The following ZP1 variants were observed in gnomAD, a reference collection of about 807,000 sequenced individuals.
ZP1 encodes the protein zona pellucida glycoprotein 1, also known as zona pellucida sperm-binding protein 1.
A neutral mutation model predicts 67.4 loss-of-function variants in ZP1; 58 were observed. That is an observed-to-expected ratio of 0.86 (90% CI 0.70 to 1.07). ZP1 has a LOEUF of 1.07. Among genes scored for constraint, ZP1 ranks in the 50% least tolerant of loss-of-function variants. The pLI, the probability that ZP1 is intolerant of heterozygous loss-of-function variation, is 0.00. For missense variants in ZP1, 759 were observed against 807.3 expected (o/e 0.94, Z 0.72); for synonymous variants, 333 against 332.7 (o/e 1.00, Z -0.01).
intron 3 of ZP1, 121 bp from the exon 4 acceptor site, chr11:60,870,211 G>A: frequency 1.9e-6 from 2 of 1,037,274 alleles, no homozygotes; most frequent in Non-Finnish European, 2.7e-6. Flanking sequence ...CAGTTTTGAG[G>A]GAGGACATTT....
intron 7 of ZP1, 28 bp from the exon 8 acceptor site, chr11:60,873,347 C>G: frequency 6.3e-7 from 1 of 1,593,392 alleles, no homozygotes; most frequent in East Asian, 2.3e-5. Context: ...CACAGCCCGC[C>G]CTGGCTCATG....
intron 6 of ZP1, 75 bp downstream of exon 6, chr11:60,871,389 T>G: frequency 6.7e-7 from 1 of 1,500,696 alleles, no homozygotes; most frequent in Non-Finnish European, 9.1e-7. Context: ...CAGTACAGGC[T>G]TCGGAGCCAT....
intron 4 of ZP1, 143 bp from the exon 5 acceptor site, chr11:60,870,814 T>G (rs1855552391): frequency 1.1e-6 from 1 of 939,276 alleles, no homozygotes; most frequent in Admixed American, 2.3e-5. Flanking sequence ...CATAAAGGGT[T>G]TGCTGGGGCC....
chr11:60,873,079 C>T (rs927839133), intron 6 of ZP1, 83 bp from the exon 7 acceptor site: 8 of 1,464,352 alleles, frequency 5.5e-6, no homozygotes, highest in African/African-American at 2.8e-5. Context: ...GTTGCACCCA[C>T]GGAGTTGGTG....
rs1197533915 is a variant in ZP1 at position 60,875,115 on chromosome 11, C to T, written c.1655-14C>T. On this transcript the variant is annotated splice_polypyrimidine_tract_variant and intron_variant, in intron 10 of 11. Coordinates refer to ENST00000278853, the MANE Select transcript of ZP1 (RefSeq NM_207341.4). ...CAGGAGACCAGCCCAAGATTTCATT[C>T]TTCCCCTGGGCAGGACAGCGACGAT... 3.1e-6 allele frequency: 5 copies of T among 1,613,668 alleles called. No individual in the cohort carries two copies. The highest frequency in any genetic ancestry group is 4.2e-6 in the Non-Finnish European group (5 of 1,179,782).
At position 60,871,002 on chromosome 11, in the gene ZP1, C is replaced by A; in HGVS notation, c.872C>A (p.Ser291Tyr). 6.2e-7 allele frequency: 1 copy of A among 1,614,212 alleles called. No individual in the cohort carries two copies. The highest frequency in any genetic ancestry group is 8.5e-7 in the Non-Finnish European group (1 of 1,180,046). Residue 291 changes from serine (S) to tyrosine (Y), a missense_variant, in exon 5 of 12, where the codon TCC becomes TAC. Ser to Tyr is a moderately radical substitution (Grantham distance 144). Transcript: ENST00000278853. ...FRDGYFVLVVSQEMALTHRIT... is the reference protein window; with the variant it reads ...FRDGYFVLVVYQEMALTHRIT... ...GATGGCTACTTCGTCCTCGTGGTGT[C>A]CCAAGAAATGGCCTTGACACACAGG...
rs989403131 is a variant in ZP1 at position 60,872,071 on chromosome 11, G to A, written c.1112+757G>A. 2.0e-5 allele frequency among the ~76,000 whole-genome samples: 3 copies of A among 152,192 alleles called. 1 individual carries two copies. The highest frequency in any genetic ancestry group is 4.4e-5 in the Non-Finnish European group (3 of 68,034). On this transcript the variant is annotated intron_variant, in intron 6 of 11. Coordinates refer to ENST00000278853, the MANE Select transcript of ZP1 (RefSeq NM_207341.4). The stretch of plus-strand genomic sequence containing the variant: ...ACTGTGTCACAGTTCAAATGTATTT[G>A]GCTTTAAAGCTCTAAGTAGCACAGA...
chr11:60,874,924 T>A lies in ZP1; in HGVS notation c.1573-9T>A, dbSNP rs972158020. 5 of 1,614,148 alleles carry A rather than the reference T, an allele frequency of 3.1e-6. No individual in the cohort carries two copies. Among genetic ancestry groups the A allele is most frequent in the Non-Finnish European group, 4.2e-6 (5 of 1,179,980 alleles). ...GCCAGCCACTTTGATGTTCTTCTCC[T>A]TCCACCAGGTTTACTTGTTCTGCAG... On this transcript the variant is annotated splice_polypyrimidine_tract_variant and intron_variant, in intron 9 of 11. Transcript: ENST00000278853.
chr11:60,875,262 T>C lies in ZP1; in HGVS notation c.1774+14T>C. 5 of 1,606,570 alleles carry C rather than the reference T, an allele frequency of 3.1e-6. No individual in the cohort carries two copies. The highest frequency in any genetic ancestry group is 3.4e-6 in the Non-Finnish European group (4 of 1,178,604). Reference sequence around the variant, plus strand: ...TTGGGCCCACAGGTAGGAGGGCTTCTGGGTGGGCCCCTCAGGCCTTACCCA... The same window carrying C: ...TTGGGCCCACAGGTAGGAGGGCTTCCGGGTGGGCCCCTCAGGCCTTACCCA... On this transcript the variant is annotated intron_variant, in intron 11 of 11. Transcript: ENST00000278853.
chr11:60,869,866 G>A lies in ZP1; in HGVS notation c.648G>A (p.Leu216=). 1 of 1,581,136 alleles carries A rather than the reference G, an allele frequency of 6.3e-7. No individual in the cohort carries two copies. The highest frequency in any genetic ancestry group is 8.6e-7 in the Non-Finnish European group (1 of 1,162,492). Residue 216 remains leucine, a synonymous_variant, in exon 3 of 12, where the codon TTG becomes TTA. Transcript: ENST00000278853. ...ATLAQPHWGT[L]EHWDVNKRDY... is the part of the protein sequence containing the mutation. ...TGGCTCAACCCCACTGGGGCACCTT[G>A]GAACACTGGGATGTGAACAAACGAG...
chr11:60,870,768 T>G (rs947493138), intron 4 of ZP1, 189 bp from the exon 5 acceptor site: 5 of 735,794 alleles, frequency 6.8e-6, no homozygotes, highest in Non-Finnish European at 1.1e-5. Context: ...TAGAGTGTAG[T>G]TCAACTCATT....
rs755269115 is a variant in ZP1, at chr11:60,869,150, T to C, written c.202T>C (p.Phe68Leu). The change falls in exon 2 of 12, where the codon TTT becomes CTT. Residue 68 changes from phenylalanine (F) to leucine (L), a missense_variant. Coordinates refer to ENST00000278853, the MANE Select transcript of ZP1 (RefSeq NM_207341.4). ...CTCCCCTTCCCCCACTGCAGATGAATTTGGGAACCGATTTGATGTCAACAA... is the reference window on the plus strand; with the variant it reads ...CTCCCCTTCCCCCACTGCAGATGAACTTGGGAACCGATTTGATGTCAACAA... ...QTLRFKVVDE[F>L]GNRFDVNNCS... 7.4e-6 allele frequency: 12 copies of C among 1,614,086 alleles called. No individual in the cohort carries two copies. The highest frequency in any genetic ancestry group is 1.0e-5 in the Non-Finnish European group (12 of 1,179,994).
rs1337469164 is a variant in ZP1 at position 60,873,189 on chromosome 11, C to CA, written c.1141dup (p.Ser381LysfsTer2). On this transcript the variant is annotated frameshift_variant, in exon 7 of 12. Transcript: ENST00000278853. LOFTEE classifies it high-confidence loss of function. Reference sequence around the variant, plus strand: ...TTCATGTGCGCTGTGTCTTCAACGCCAGTGACTTCCTGCCCATTCAGGCAT... The same window carrying CA: ...TTCATGTGCGCTGTGTCTTCAACGCCAAGTGACTTCCTGCCCATTCAGGCAT... 1 of 1,604,174 alleles carries CA rather than the reference C, an allele frequency of 6.2e-7. No homozygotes were observed. The highest frequency in any genetic ancestry group is 8.5e-7 in the Non-Finnish European group (1 of 1,174,804).
chr11:60,870,406 G>C lies in ZP1; in HGVS notation c.757G>C (p.Glu253Gln), dbSNP rs140437432. 1.2e-6 allele frequency: 2 copies of C among 1,613,462 alleles called. No homozygotes were observed. Among genetic ancestry groups the C allele is most frequent in the African/African-American group, 2.7e-5 (2 of 74,924 alleles). The change falls in exon 4 of 12, where the codon GAA (glutamate) becomes CAA (glutamine). Residue 253 changes from glutamate (E) to glutamine (Q), a missense_variant. Glu to Gln is a conservative substitution (Grantham distance 29). Transcript: ENST00000278853. ...CTGCATCGTGAGAAGAACTTCAAAAGAAGCCTGTCAGCAGGCTGGCTGCTG... is the reference window on the plus strand; with the variant it reads ...CTGCATCGTGAGAAGAACTTCAAAACAAGCCTGTCAGCAGGCTGGCTGCTG... ...LPCIVRRTSK[E>Q]ACQQAGCCYD...
chr11:60,875,165 C>G lies in ZP1; in HGVS notation c.1691C>G (p.Ala564Gly). The change falls in exon 11 of 12, where the codon GCC (alanine) becomes GGC (glycine). Residue 564 changes from alanine to glycine, a missense_variant. Coordinates refer to ENST00000278853, the MANE Select transcript of ZP1 (RefSeq NM_207341.4). ...TCCTCAGGTCACCGTAATGACACTG[C>G]CAGGCCCCAGGACATCGTGAGCTCT... The part of the protein sequence containing the change: ...RRSSGHRNDT[A>G]RPQDIVSSPG... 1 of 1,613,900 alleles carries G rather than the reference C, an allele frequency of 6.2e-7. No homozygotes were observed. Among genetic ancestry groups the G allele is most frequent in the Non-Finnish European group, 8.5e-7 (1 of 1,180,036 alleles).
At position 60,873,576 on chromosome 11, in the gene ZP1, C is replaced by A; in HGVS notation, c.1430+12C>A. On this transcript the variant is annotated intron_variant, in intron 8 of 11. Transcript: ENST00000278853. ...ATCCTGTCAGACGGGTGAGTGCCCC[C>A]ACACTCCCCCCACCTGCTCTGCCTC... The A allele has an allele frequency of 6.2e-7, 1 of 1,613,314 alleles. No homozygotes were observed.
At chr11:60,870,696 T>A (rs2134828791) in intron 4 of ZP1, 2 of 680,966 alleles carry the variant, frequency 2.9e-6, no homozygotes, top group East Asian at 5.5e-5. Flanking sequence ...CTTACACACA[T>A]CTGGACTTTC....
intron 10 of ZP1, 42 bp from the exon 11 acceptor site, chr11:60,875,087 G>A (rs773145203): frequency 6.2e-7 from 1 of 1,613,496 alleles, no homozygotes; most frequent in South Asian, 1.1e-5. Flanking sequence ...TGGGCCACAG[G>A]GGCAGGAGAC....
chr11:60,873,644 A>G lies in ZP1; in HGVS notation c.1441A>G (p.Lys481Glu). Residue 481 changes from lysine to glutamate, a missense_variant, in exon 9 of 12, where the codon AAG (lysine) becomes GAG (glutamate). Coordinates refer to ENST00000278853, the MANE Select transcript of ZP1 (RefSeq NM_207341.4). ...WPILSDGCPF[K>E]GDSYRTQMVA... ...GACTTCTCTTCTCAGATGCCCTTTC[A>G]AGGGCGACAGCTACAGAACCCAAAT... The G allele has an allele frequency of 6.2e-7, 1 of 1,614,070 alleles. No homozygotes were observed. The highest frequency in any genetic ancestry group is 8.5e-7 in the Non-Finnish European group (1 of 1,180,000).
Sources: gnomAD v4.1 joint callset for allele counts (sites outside exome capture counted in the v4.1 genomes callset) on GRCh38, gnomAD v4.1.1 for gene constraint, MANE v1.5 for transcripts, NCBI Gene and HGNC (gene_info 2026-07-23, HGNC 2026-07-21) for gene names.